Variants in ARFGEF3 observed in about 807,000 individuals in gnomAD.
ARFGEF3 encodes ARFGEF family member 3.
A neutral mutation model predicts 221.7 loss-of-function variants in ARFGEF3; 96 were observed. That is an observed-to-expected ratio of 0.43 (90% confidence interval 0.37 to 0.51). ARFGEF3 has a LOEUF of 0.51. Among genes scored for constraint, ARFGEF3 ranks in the 20% least tolerant of loss-of-function variants. The pLI is 0.00. For missense variants in ARFGEF3, 2,410 were observed against 2,789.9 expected, an observed-to-expected ratio of 0.86 and a Z score of 3.07; for synonymous variants, 1,145 against 1,126.8, an observed-to-expected ratio of 1.02 and a Z score of -0.32.
chr6:138,257,467 G>A (rs1778706052), intron 10 of ARFGEF3, among the ~76,000 whole-genome samples: 1 of 152,202 alleles, frequency 6.6e-6, no homozygotes, highest in South Asian at 2.1e-4. Flanking sequence ...TACTGCACTG[G>A]ATGGATGTTC....
At chr6:138,183,499 G>A (rs1276031315) in intron 2 of ARFGEF3, among the ~76,000 whole-genome samples, 1 of 152,112 alleles carries the variant, frequency 6.6e-6, no homozygotes, top group East Asian at 1.9e-4. Flanking sequence ...GTATCGGAGG[G>A]GTCTGGAGAG....
intron 21 of ARFGEF3, 60 bp from the exon 22 acceptor site, chr6:138,298,546 A>G (rs1228451699): frequency 1.0e-5 from 15 of 1,445,356 alleles, no homozygotes; most frequent in Non-Finnish European, 4.7e-6. Context: ...GAAAGCCTTC[A>G]GAAACCATTC....
At chr6:138,256,358 T>C (rs1406216694) in intron 10 of ARFGEF3, among the ~76,000 whole-genome samples, 2 of 152,216 alleles carry the variant, frequency 1.3e-5, no homozygotes, top group Non-Finnish European at 2.9e-5. Flanking sequence ...AAGATTCCTC[T>C]GCCTTCTCTC....
intron 21 of ARFGEF3, among the ~76,000 whole-genome samples, 190 bp from the exon 22 acceptor site, chr6:138,298,416 A>T (rs560447897): frequency 1.3e-5 from 2 of 152,368 alleles, no homozygotes; most frequent in Admixed American, 1.3e-4. Flanking sequence ...GTTGTACCTG[A>T]TAAGCTGGTT....
intron 4 of ARFGEF3, among the ~76,000 whole-genome samples, chr6:138,229,018 C>A (rs1778144053): frequency 6.6e-6 from 1 of 152,196 alleles, no homozygotes; most frequent in African/African-American, 2.4e-5. Flanking sequence ...AAAGGCTCTA[C>A]AAGTAGAAAG....
chr6:138,207,171 C>T (rs746588715), intron 3 of ARFGEF3, 48 bp downstream of exon 3: 1 of 1,480,260 alleles, frequency 6.8e-7, no homozygotes, highest in South Asian at 1.2e-5. Flanking sequence ...TGACAGGCCA[C>T]TTTGGCATTG....
chr6:138,256,138 A>G (rs951332528), intron 10 of ARFGEF3, among the ~76,000 whole-genome samples: 2 of 152,156 alleles, frequency 1.3e-5, no homozygotes, highest in African/African-American at 4.8e-5. Flanking sequence ...AAATGATTTT[A>G]TACTCAGGTT....
chr6:138,301,404 C>G (rs1047921667), intron 22 of ARFGEF3, among the ~76,000 whole-genome samples: 1 of 152,174 alleles, frequency 6.6e-6, no homozygotes, highest in Non-Finnish European at 1.5e-5. Flanking sequence ...GTAGTTTGAC[C>G]AGCGTGAGGC....
At chr6:138,332,615 A>G (rs1414876612) in intron 32 of ARFGEF3, among the ~76,000 whole-genome samples, 1 of 152,076 alleles carries the variant, frequency 6.6e-6, no homozygotes, top group African/African-American at 2.4e-5. Flanking sequence ...GGGAAAATGG[A>G]GAGTTGTTGT....
At chr6:138,180,641 C>G (rs1036509607) in intron 2 of ARFGEF3, among the ~76,000 whole-genome samples, 1 of 152,092 alleles carries the variant, frequency 6.6e-6, no homozygotes, top group African/African-American at 2.4e-5. Flanking sequence ...TTGGTTAGTC[C>G]AAGCCTGGCT....
intron 4 of ARFGEF3, among the ~76,000 whole-genome samples, chr6:138,223,563 A>G (rs1267888640): frequency 6.6e-6 from 1 of 152,154 alleles, no homozygotes; most frequent in Non-Finnish European, 1.5e-5. Context: ...CCCAAGAAGG[A>G]GTTGTGTGTT....
chr6:138,281,400 G>T (rs1313647799), intron 14 of ARFGEF3, among the ~76,000 whole-genome samples: 1 of 152,170 alleles, frequency 6.6e-6, no homozygotes, highest in African/African-American at 2.4e-5. Flanking sequence ...GAGGTTTGGG[G>T]TCAACTGATC....
At chr6:138,220,075 A>G (rs184235778) in intron 4 of ARFGEF3, among the ~76,000 whole-genome samples, 188 of 152,038 alleles carry the variant, frequency 1.2e-3, no homozygotes, top group African/African-American at 4.4e-3. Flanking sequence ...CAGTGATGCA[A>G]TCACGCAATC....
intron 4 of ARFGEF3, among the ~76,000 whole-genome samples, chr6:138,224,690 G>GCA (rs1562359726): frequency 6.6e-6 from 1 of 152,120 alleles, no homozygotes; most frequent in African/African-American, 2.4e-5. Flanking sequence ...AACATGGCAG[G>GCA]CATCACAAAA....
At position 138,291,811 on chromosome 6, in the gene ARFGEF3, G is replaced by A; in HGVS notation, c.3126G>A (p.Gln1042=). The change falls in exon 19 of 34, where the codon CAG becomes CAA. Residue 1042 remains glutamine, a synonymous_variant. Transcript: ENST00000251691. The surrounding 1 kb of genome is among the most constrained non-coding windows in gnomAD (Gnocchi z 4.5). ...CGCAGCCCCCTCTGACCATCAGCCA[G>A]CCCCAGAAGGCCACTGGAAGCGCTG... The part of the protein sequence containing the change: ...GASQPPLTIS[Q]PQKATGSAGL... The A allele has an allele frequency of 1.4e-6, 2 of 1,481,068 alleles. No homozygotes were observed. Among genetic ancestry groups the A allele is most frequent in the Non-Finnish European group, 1.8e-6 (2 of 1,115,494 alleles). The allele number at this position is 1,481,068 out of a possible 1,614,324, so 91.7% of individuals were successfully genotyped here.
At chr6:138,225,580 G>A (rs745528079) in intron 4 of ARFGEF3, among the ~76,000 whole-genome samples, 10 of 152,182 alleles carry the variant, frequency 6.6e-5, no homozygotes, top group Non-Finnish European at 1.3e-4. Context: ...TTTTTTTGAT[G>A]TCAAAGACTG....
intron 5 of ARFGEF3, among the ~76,000 whole-genome samples, chr6:138,233,036 C>T (rs952589397): frequency 7.9e-5 from 12 of 152,072 alleles, no homozygotes; most frequent in Non-Finnish European, 1.2e-4. Context: ...GGACCTTTAC[C>T]GAGGCATTTA....
At chr6:138,287,009 G>T (rs1262840771) in intron 16 of ARFGEF3, 65 bp from the exon 17 acceptor site, 1 of 1,562,304 alleles carries the variant, frequency 6.4e-7, no homozygotes, top group Non-Finnish European at 8.7e-7. Context: ...TTTAGAAGGG[G>T]TTCTGCTAGG....
rs776638431 is a variant in ARFGEF3, at chr6:138,308,836, C to A, written c.4071C>A (p.Cys1357Ter). ...ATGCAGCCACTAGCTACATCATGTG[C>A]CTTATGAAGTTTGTCAAAGGACTGG... The part of the protein sequence containing the change: ...FANAATSYIM[C>*]LMKFVKGLGE... The change falls in exon 24 of 34, where the codon TGC (cysteine) becomes TGA (stop). Residue 1357 changes from cysteine (C) to a stop codon, truncating the protein, a stop_gained. Transcript: ENST00000251691. LOFTEE classifies it high-confidence loss of function. The A allele has an allele frequency of 6.2e-7, 1 of 1,614,026 alleles. No homozygotes were observed. Among genetic ancestry groups the A allele is most frequent in the Admixed American group, 1.7e-5 (1 of 60,030 alleles).
Sources: allele counts gnomAD v4.1 joint callset (sites outside exome capture counted in the v4.1 genomes callset), GRCh38; gene constraint gnomAD v4.1.1; non-coding constraint Gnocchi (gnomAD v3.1); transcripts MANE v1.5; gene names NCBI Gene and HGNC (gene_info 2026-07-23, HGNC 2026-07-21).